Variants in SPECC1L observed in about 807,000 individuals in gnomAD.
The protein encoded by SPECC1L is sperm antigen with calponin homology and coiled-coil domains 1 like.
Under a neutral mutation model 116.8 loss-of-function variants are expected in SPECC1L, and 40 were observed. That is an observed-to-expected ratio of 0.34 (90% CI 0.27 to 0.45). SPECC1L has a LOEUF of 0.45. SPECC1L is among the 20% of genes least tolerant of loss of function. The pLI is 1.00. For synonymous variants in SPECC1L, 504 were observed against 500.6 expected (o/e 1.01, Z -0.09); for missense variants, 1,110 against 1,373.6 (o/e 0.81, Z 3.03).
chr22:24,306,462 C>T (rs1011526601), intron 3 of SPECC1L, among the ~76,000 whole-genome samples: 1 of 152,058 alleles, frequency 6.6e-6, no homozygotes, highest in Non-Finnish European at 1.5e-5. Context: ...CTCACTGCAG[C>T]CTTGAACTCC....
intron 14 of SPECC1L, among the ~76,000 whole-genome samples, chr22:24,392,410 G>C (rs889993819): frequency 1.1e-4 from 16 of 152,214 alleles, no homozygotes; most frequent in African/African-American, 3.4e-4. Flanking sequence ...CTTTGGATGG[G>C]ATGACAACAT....
chr22:24,322,958 G>T (rs1448830118), intron 5 of SPECC1L, 40 bp downstream of exon 5: 1 of 1,611,412 alleles, frequency 6.2e-7, no homozygotes, highest in Non-Finnish European at 8.5e-7. Flanking sequence ...GACAGCATTA[G>T]GCAGCTGCCA....
chr22:24,300,615 C>T (rs1478983409), intron 2 of SPECC1L, among the ~76,000 whole-genome samples: 1 of 152,212 alleles, frequency 6.6e-6, no homozygotes, highest in Non-Finnish European at 1.5e-5. Context: ...TCCTATTTCT[C>T]CACAACCTTG....
intron 14 of SPECC1L, among the ~76,000 whole-genome samples, chr22:24,394,517 A>G (rs1406279471): frequency 6.6e-6 from 1 of 152,230 alleles, no homozygotes; most frequent in Non-Finnish European, 1.5e-5. Context: ...AAACAGGAAT[A>G]TTCAGTCCAT....
intron 2 of SPECC1L, among the ~76,000 whole-genome samples, chr22:24,294,921 A>G (rs2049229404): frequency 6.6e-6 from 1 of 152,304 alleles, no homozygotes; most frequent in East Asian, 1.9e-4. Flanking sequence ...GGCTTCCAAG[A>G]TATTTTTCAT....
At chr22:24,337,302 A>C (rs181016844) in intron 9 of SPECC1L, among the ~76,000 whole-genome samples, 16 of 152,358 alleles carry the variant, frequency 1.1e-4, no homozygotes, top group African/African-American at 3.1e-4. Context: ...ATGAATCTTT[A>C]CAACATTATG....
chr22:24,277,278 C>T (rs1037863922), intron 2 of SPECC1L, among the ~76,000 whole-genome samples: 3 of 152,168 alleles, frequency 2.0e-5, no homozygotes, highest in African/African-American at 7.2e-5. Context: ...GTCTCCGGTA[C>T]CCTATCACCA....
rs763818960 is a variant in SPECC1L at position 24,389,109 on chromosome 22, A to ATTT, written c.3087+19809_3087+19811dup. ...AGTACTTCACTCCTTTCTATAACTG[A>ATTT]TTTTTTTTTTTTTTTTTTTTTTGGA... On this transcript the variant is annotated intron_variant, in intron 14 of 16. Coordinates refer to ENST00000314328, the MANE Select transcript of SPECC1L (RefSeq NM_015330.6). 3.4e-3 allele frequency among the ~76,000 whole-genome samples: 341 copies of ATTT among 99,886 alleles called. 3 individuals carry two copies. The highest frequency in any genetic ancestry group is 0.012 in the African/African-American group (283 of 24,438). The allele number at this position is 99,886 out of a possible 152,430, so 65.5% of individuals were successfully genotyped here. A position where few individuals can be genotyped will look rare whatever the true frequency, so the allele number is the denominator to read the frequency against.
At chr22:24,345,380 C>T (rs974406918) in intron 10 of SPECC1L, among the ~76,000 whole-genome samples, 2 of 152,094 alleles carry the variant, frequency 1.3e-5, no homozygotes, top group Admixed American at 1.3e-4. Flanking sequence ...AGAAAATCTT[C>T]ATGACTTTTA....
rs528143278 is a variant in SPECC1L at position 24,386,256 on chromosome 22, A to G, written c.3087+16936A>G. On this transcript the variant is annotated intron_variant, in intron 14 of 16. Transcript: ENST00000314328. ...GGTGACTTATTGAAAGCTTTCTTCC[A>G]GAGATGAGGAAAGAGACAAGACCCT... Among the ~76,000 whole-genome samples, 28 of 152,262 alleles carry G rather than the reference A, an allele frequency of 1.8e-4. No individual in the cohort carries two copies. The South Asian group carries it at 5.4e-3, about 29-fold the overall frequency.
chr22:24,277,599 T>A (rs2048861430), intron 2 of SPECC1L, among the ~76,000 whole-genome samples: 1 of 152,256 alleles, frequency 6.6e-6, no homozygotes, highest in Non-Finnish European at 1.5e-5. Flanking sequence ...TTGCCTAGTC[T>A]AGGTATTTTT....
intron 14 of SPECC1L, 80 bp from the exon 15 acceptor site, chr22:24,411,508 A>AG (rs1277886385): frequency 7.8e-7 from 1 of 1,281,154 alleles, no homozygotes; most frequent in Admixed American, 1.7e-5. Flanking sequence ...GCAGCATCTG[A>AG]GGCCTCCTGC....
chr22:24,295,887 G>T (rs2049251370), intron 2 of SPECC1L, among the ~76,000 whole-genome samples: 1 of 152,188 alleles, frequency 6.6e-6, no homozygotes. Context: ...GGCAGATGTT[G>T]CAGTGAGCCA....
At chr22:24,380,237 A>C (rs2042041049) in intron 14 of SPECC1L, among the ~76,000 whole-genome samples, 1 of 152,238 alleles carries the variant, frequency 6.6e-6, no homozygotes. Flanking sequence ...CAAGAATCGT[A>C]TGAGAAGTGC....
intron 14 of SPECC1L, among the ~76,000 whole-genome samples, chr22:24,388,788 TA>T (rs11359705): frequency 0.52 from 78,735 of 151,960 alleles, 20,528 homozygotes; most frequent in African/African-American, 0.55. Flanking sequence ...AGATATCTTA[TA>T]AAAGTTAACT....
chr22:24,291,760 GCC>G (rs1359376965), intron 2 of SPECC1L, among the ~76,000 whole-genome samples: 1 of 152,066 alleles, frequency 6.6e-6, no homozygotes, highest in Non-Finnish European at 1.5e-5. Flanking sequence ...AGTATTACCA[GCC>G]CCCTTTTAAA....
intron 14 of SPECC1L, among the ~76,000 whole-genome samples, chr22:24,387,125 T>C (rs2042175454): frequency 1.3e-5 from 2 of 152,042 alleles, no homozygotes; most frequent in African/African-American, 4.8e-5. Context: ...TTGAATAGTC[T>C]CCATAAGAAT....
At chr22:24,284,209 A>G (rs1327697196) in intron 2 of SPECC1L, among the ~76,000 whole-genome samples, 1 of 152,082 alleles carries the variant, frequency 6.6e-6, no homozygotes, top group Non-Finnish European at 1.5e-5. Context: ...GTTTAGTGTT[A>G]TAAATTTCCC....
intron 8 of SPECC1L, among the ~76,000 whole-genome samples, chr22:24,333,231 AAAAAG>A: frequency 6.6e-6 from 1 of 152,334 alleles, no homozygotes; most frequent in Non-Finnish European, 1.5e-5. Context: ...CCATCTCAAA[AAAAAG>A]AAAAGAAAGT....
Sources: gnomAD v4.1 joint callset for allele counts (sites outside exome capture counted in the v4.1 genomes callset) on GRCh38, gnomAD v4.1.1 for gene constraint, MANE v1.5 for transcripts, NCBI Gene and HGNC (gene_info 2026-07-23, HGNC 2026-07-21) for gene names.